DDAH1: variants seen among roughly 807,000 people sequenced by gnomAD.
DDAH1 encodes N(G),N(G)-dimethylarginine dimethylaminohydrolase 1.
DDAH1 carries 19 observed loss-of-function variants against 28.8 expected under a neutral mutation model. The observed-to-expected ratio is 0.66, with a 90% CI of 0.46 to 0.97. The LOEUF is 0.97. Ranked by LOEUF, DDAH1 falls within the 50% of genes least tolerant of loss-of-function variation. DDAH1 has a pLI of 0.00. For missense variants in DDAH1, 326 were observed against 375.9 expected (o/e 0.87, Z 1.10); for synonymous variants, 153 against 154.4 (o/e 0.99, Z 0.07).
intron 1 of DDAH1, among the ~76,000 whole-genome samples, chr1:85,428,596 G>T (rs1193421489): frequency 2.6e-5 from 4 of 152,132 alleles, no homozygotes; most frequent in Non-Finnish European, 5.9e-5. Flanking sequence ...TACTTAACAA[G>T]GGTAAGGTTG....
At chr1:85,344,306 A>G (rs1648694441) in intron 4 of DDAH1, among the ~76,000 whole-genome samples, 1 of 152,236 alleles carries the variant, frequency 6.6e-6, no homozygotes, top group Non-Finnish European at 1.5e-5. Context: ...TGTATCCCAT[A>G]AATATACACA....
At chr1:85,402,153 A>T (rs1652140590) in intron 1 of DDAH1, among the ~76,000 whole-genome samples, 1 of 144,802 alleles carries the variant, frequency 6.9e-6, no homozygotes, top group East Asian at 2.1e-4. Context: ...CTCCCAGCTA[A>T]TACTTCTATT....
At chr1:85,466,241 T>G (rs1226600884), upstream of DDAH1, among the ~76,000 whole-genome samples, 1 of 152,206 alleles carries the variant, frequency 6.6e-6, no homozygotes, top group Non-Finnish European at 1.5e-5. Flanking sequence ...TTGAGGAGTT[T>G]TTTTTGTTTT....
intron 1 of DDAH1, among the ~76,000 whole-genome samples, chr1:85,513,701 C>T (rs112860851): frequency 6.6e-6 from 1 of 152,116 alleles, no homozygotes; most frequent in Non-Finnish European, 1.5e-5. Flanking sequence ...AGGATATGAA[C>T]AGACACTTCT....
At chr1:85,536,484 C>T (rs4558028) in intron 1 of DDAH1, among the ~76,000 whole-genome samples, 2 of 151,974 alleles carry the variant, frequency 1.3e-5, no homozygotes, top group Admixed American at 6.6e-5. Flanking sequence ...ACCCGGGAGG[C>T]GAAGGTTGCA....
chr1:85,539,069 T>C (rs1276969778), intron 1 of DDAH1, among the ~76,000 whole-genome samples: 1 of 152,202 alleles, frequency 6.6e-6, no homozygotes, highest in Non-Finnish European at 1.5e-5. Context: ...ACCATCTAAA[T>C]GAAAATGACT....
In DDAH1 at chr1:85,358,372, G is replaced by A. The variant is rs190029840; in HGVS notation, c.403+376C>T. Among the ~76,000 whole-genome samples the A allele has an allele frequency of 2.2e-3, 330 of 152,268 alleles. 1 individual carries two copies. The highest frequency in any genetic ancestry group is 7.7e-3 in the African/African-American group (318 of 41,548). On this transcript the variant is annotated intron_variant, in intron 2 of 5. Transcript: ENST00000284031. ...GTAATTAAAACTACTACAATAGGCT[G>A]GGCATGGTGGCTTATGATAGTAATC...
At chr1:85,574,802 T>C (rs1292923971) in intron 1 of DDAH1, among the ~76,000 whole-genome samples, 2 of 152,034 alleles carry the variant, frequency 1.3e-5, no homozygotes, top group African/African-American at 2.4e-5. Context: ...TCCCAGCACT[T>C]TGGGAGGCCG....
intron 1 of DDAH1, among the ~76,000 whole-genome samples, chr1:85,455,789 T>C (rs138808583): frequency 5.9e-5 from 9 of 152,338 alleles, no homozygotes; most frequent in African/African-American, 1.9e-4. Context: ...AAGTCTTCTA[T>C]AGAAAAAATT....
chr1:85,560,277 CA>C (rs1309695185), intron 1 of DDAH1, among the ~76,000 whole-genome samples: 2 of 151,962 alleles, frequency 1.3e-5, no homozygotes, highest in Non-Finnish European at 2.9e-5. Flanking sequence ...AAAATAAAAG[CA>C]AACAGAACTT....
upstream of DDAH1, among the ~76,000 whole-genome samples, chr1:85,469,053 T>G (rs1655523620): frequency 6.6e-6 from 1 of 152,172 alleles, no homozygotes; most frequent in Non-Finnish European, 1.5e-5. Context: ...CCACCACATG[T>G]GAAAGGCTTA....
intron 1 of DDAH1, among the ~76,000 whole-genome samples, chr1:85,460,062 A>G (rs967545851): frequency 6.6e-6 from 1 of 152,138 alleles, no homozygotes. Context: ...CAAGTCACTT[A>G]ACCTCAGTTA....
At chr1:85,522,675 A>G (rs2100764288) in intron 1 of DDAH1, among the ~76,000 whole-genome samples, 1 of 152,176 alleles carries the variant, frequency 6.6e-6, no homozygotes, top group South Asian at 2.1e-4. Context: ...TTCCTCATCA[A>G]AGACTATTCA....
chr1:85,491,835 G>C (rs191153957), intron 2 of DDAH1, among the ~76,000 whole-genome samples: 5 of 152,028 alleles, frequency 3.3e-5, no homozygotes, highest in Admixed American at 2.6e-4. Context: ...TCTCAATAAG[G>C]CTTGTTCAAA....
At chr1:85,504,692 G>A (rs1656947509) in intron 1 of DDAH1, among the ~76,000 whole-genome samples, 2 of 152,120 alleles carry the variant, frequency 1.3e-5, no homozygotes, top group African/African-American at 4.8e-5. Context: ...AAAAATCACA[G>A]CTTAGGACAT....
chr1:85,346,006 C>T (rs12036146), intron 4 of DDAH1, among the ~76,000 whole-genome samples: 2,613 of 152,256 alleles, frequency 0.017, 68 homozygotes, highest in East Asian at 0.12. Context: ...TCTCAAATGG[C>T]AAGATGATGA....
chr1:85,442,116 T>A (rs1340843677), intron 1 of DDAH1, among the ~76,000 whole-genome samples: 1 of 152,114 alleles, frequency 6.6e-6, no homozygotes, highest in Non-Finnish European at 1.5e-5. Context: ...GCCATGTTGG[T>A]GTGCTGCACC....
chr1:85,479,488 A>T (rs1655928902), intron 2 of DDAH1, among the ~76,000 whole-genome samples: 1 of 152,140 alleles, frequency 6.6e-6, no homozygotes, highest in Non-Finnish European at 1.5e-5. Context: ...TTTCTTTTAT[A>T]AAGACACCAG....
chr1:85,435,731 A>C (rs1386041376), intron 1 of DDAH1, among the ~76,000 whole-genome samples: 1 of 152,214 alleles, frequency 6.6e-6, no homozygotes, highest in African/African-American at 2.4e-5. Context: ...CTAGAACAGA[A>C]GAGTAAGTGA....
Sources: allele counts gnomAD v4.1 joint callset (sites outside exome capture counted in the v4.1 genomes callset), GRCh38; gene constraint gnomAD v4.1.1; transcripts MANE v1.5; gene names NCBI Gene and HGNC (gene_info 2026-07-23, HGNC 2026-07-21).